The following RCAN2 variants were observed in gnomAD, a reference collection of about 807,000 sequenced individuals.
The protein encoded by RCAN2 is regulator of calcineurin 2, also known as calcipressin-2.
RCAN2 carries 9 observed loss-of-function variants against 23.6 expected under a neutral mutation model. The observed-to-expected ratio is 0.38, with a 90% CI of 0.23 to 0.67. The LOEUF is 0.67. RCAN2 is among the 30% of genes least tolerant of loss of function. The pLI is 0.51. For missense variants in RCAN2, 273 were observed against 302.3 expected (o/e 0.90, Z 0.72); for synonymous variants, 109 against 115.7 (o/e 0.94, Z 0.37).
intron 2 of RCAN2, among the ~76,000 whole-genome samples, chr6:46,357,570 G>T (rs1764877187): frequency 6.6e-6 from 1 of 152,162 alleles, no homozygotes; most frequent in South Asian, 2.1e-4. Context: ...ATTGCTTATT[G>T]CATGTCAGGC....
At chr6:46,437,308 A>G (rs777596591) in intron 2 of RCAN2, among the ~76,000 whole-genome samples, 15 of 152,220 alleles carry the variant, frequency 9.9e-5, no homozygotes, top group Non-Finnish European at 4.4e-5. Flanking sequence ...ATGGTATAAT[A>G]ACATGTGTTT....
chr6:46,250,319 A>T (rs1766667292), intron 2 of RCAN2, among the ~76,000 whole-genome samples: 1 of 152,226 alleles, frequency 6.6e-6, no homozygotes, highest in Non-Finnish European at 1.5e-5. Context: ...TCCTTATTAT[A>T]AGAAAACTAG....
At chr6:46,270,928 A>C (rs961837116) in intron 2 of RCAN2, among the ~76,000 whole-genome samples, 1 of 152,204 alleles carries the variant, frequency 6.6e-6, no homozygotes, top group Non-Finnish European at 1.5e-5. Flanking sequence ...AAACCTTGAG[A>C]TAAGACTGTA....
chr6:46,346,099 A>C (rs1218513615), intron 2 of RCAN2, among the ~76,000 whole-genome samples: 1 of 152,166 alleles, frequency 6.6e-6, no homozygotes, highest in Non-Finnish European at 1.5e-5. Context: ...ATTAGAAATC[A>C]ATTTGAAAAT....
chr6:46,402,850 G>A (rs956827984), intron 2 of RCAN2, among the ~76,000 whole-genome samples: 1 of 152,172 alleles, frequency 6.6e-6, no homozygotes, highest in African/African-American at 2.4e-5. Context: ...TTTAATGTTT[G>A]TATGCCTTTC....
At chr6:46,367,022 G>GATATATATATGTATATATATAT (rs1765191449) in intron 2 of RCAN2, among the ~76,000 whole-genome samples, 1 of 59,690 alleles carries the variant, frequency 1.7e-5, no homozygotes, top group Admixed American at 1.9e-4. Flanking sequence ...ATCTGGGATG[G>GATATATATATGTATATATATAT]ATATATATAT....
intron 2 of RCAN2, among the ~76,000 whole-genome samples, chr6:46,288,136 T>C (rs751443227): frequency 1.3e-5 from 2 of 152,226 alleles, no homozygotes; most frequent in Non-Finnish European, 2.9e-5. Context: ...TCCCTCTTTT[T>C]GCTGTCAGAA....
At chr6:46,305,844 G>A (rs1428321520) in intron 2 of RCAN2, among the ~76,000 whole-genome samples, 1 of 151,398 alleles carries the variant, frequency 6.6e-6, no homozygotes, top group Non-Finnish European at 1.5e-5. Context: ...ATACTAAACA[G>A]TTGACTGTCC....
intron 4 of RCAN2, among the ~76,000 whole-genome samples, chr6:46,245,891 C>T (rs750261136): frequency 6.6e-6 from 1 of 152,162 alleles, no homozygotes; most frequent in African/African-American, 2.4e-5. Flanking sequence ...TGCTAAAAAT[C>T]TCAGCTGCCA....
At chr6:46,321,534 ACATGGATGCC>A (rs1314056444) in intron 2 of RCAN2, among the ~76,000 whole-genome samples, 2 of 152,218 alleles carry the variant, frequency 1.3e-5, no homozygotes, top group African/African-American at 4.8e-5. Context: ...CTTGTGTCCT[ACATGGATGCC>A]CATGGAGACA....
At chr6:46,299,572 G>A (rs1762837236) in intron 2 of RCAN2, among the ~76,000 whole-genome samples, 1 of 151,938 alleles carries the variant, frequency 6.6e-6, no homozygotes, top group South Asian at 2.1e-4. Flanking sequence ...CTACTAAGAA[G>A]GCTTTCTTCC....
At chr6:46,241,201 C>A (rs1460853978) in intron 4 of RCAN2, among the ~76,000 whole-genome samples, 2 of 152,162 alleles carry the variant, frequency 1.3e-5, no homozygotes, top group African/African-American at 4.8e-5. Context: ...TTTTGCCAGG[C>A]TGGGTTTTTA....
chr6:46,368,752 G>T (rs1234310215), intron 2 of RCAN2, among the ~76,000 whole-genome samples: 1 of 152,178 alleles, frequency 6.6e-6, no homozygotes, highest in Admixed American at 6.5e-5. Flanking sequence ...GGAGCTTTTA[G>T]GGCTGGGAGT....
At chr6:46,418,695 GTATATATATATATATATA>G (rs70996369) in intron 2 of RCAN2, among the ~76,000 whole-genome samples, 3,484 of 121,352 alleles carry the variant, frequency 0.029, 186 homozygotes, top group African/African-American at 0.098. Flanking sequence ...ATGTGTGTGT[GTATATATATATATATATA>G]TATATATATA....
At chr6:46,474,884 G>A (rs1428261789) in intron 1 of RCAN2, among the ~76,000 whole-genome samples, 2 of 152,124 alleles carry the variant, frequency 1.3e-5, no homozygotes, top group Non-Finnish European at 2.9e-5. Flanking sequence ...ATGCCCTACT[G>A]TACTCCAAGG....
intron 2 of RCAN2, among the ~76,000 whole-genome samples, chr6:46,348,319 T>C (rs533404184): frequency 1.3e-5 from 2 of 152,290 alleles, no homozygotes; most frequent in African/African-American, 4.8e-5. Flanking sequence ...ATTATACATG[T>C]CCTCTGTTCT....
intron 4 of RCAN2, among the ~76,000 whole-genome samples, chr6:46,226,757 C>T: frequency 6.6e-6 from 1 of 152,174 alleles, no homozygotes; most frequent in Non-Finnish European, 1.5e-5. Flanking sequence ...TTCCTCTTTT[C>T]CTAATTGAAT....
chr6:46,447,685 T>C (rs1243082706), intron 2 of RCAN2, among the ~76,000 whole-genome samples: 4 of 151,842 alleles, frequency 2.6e-5, no homozygotes, highest in African/African-American at 9.6e-5. Flanking sequence ...TAGAGAACAA[T>C]AACAGAAAGA....
At chr6:46,291,273 C>A (rs1037362401) in intron 2 of RCAN2, among the ~76,000 whole-genome samples, 1 of 115,724 alleles carries the variant, frequency 8.6e-6, no homozygotes, top group Non-Finnish European at 1.8e-5. Flanking sequence ...AATGTTAATT[C>A]GCCAGTGTTT....
Sources: gnomAD v4.1 joint callset for allele counts (sites outside exome capture counted in the v4.1 genomes callset) on GRCh38, gnomAD v4.1.1 for gene constraint, MANE v1.5 for transcripts, NCBI Gene and HGNC (gene_info 2026-07-23, HGNC 2026-07-21) for gene names.